The following COPB1 variants were observed in gnomAD, a reference collection of about 807,000 sequenced individuals.
COPB1 encodes the protein coatomer subunit beta.
A neutral mutation model predicts 108.7 loss-of-function variants in COPB1; 21 were observed. That is an observed-to-expected ratio of 0.19 (90% CI 0.14 to 0.28). COPB1 has a LOEUF of 0.28. COPB1 is among the 10% of genes least tolerant of loss of function. The pLI, the probability that COPB1 is intolerant of heterozygous loss-of-function variation, is 1.00. For synonymous variants in COPB1, 378 were observed against 386.8 expected, an observed-to-expected ratio of 0.98 and a Z score of 0.27; for missense variants, 919 against 1,141.3, an observed-to-expected ratio of 0.81 and a Z score of 2.81.
chr11:14,459,483 T>C (rs1850097775), intron 20 of COPB1, among the ~76,000 whole-genome samples: 1 of 152,196 alleles, frequency 6.6e-6, no homozygotes, highest in African/African-American at 2.4e-5. Context: ...CTCGTTTTTT[T>C]CATACATACA....
At chr11:14,475,628 G>T (rs1565016911) in intron 13 of COPB1, among the ~76,000 whole-genome samples, 157 bp downstream of exon 13, 1 of 152,224 alleles carries the variant, frequency 6.6e-6, no homozygotes, top group Non-Finnish European at 1.5e-5. Context: ...TTCCTAGGGG[G>T]AAGAACTTAA....
intron 14 of COPB1, among the ~76,000 whole-genome samples, chr11:14,472,020 T>C (rs1272659644): frequency 6.6e-6 from 1 of 152,192 alleles, no homozygotes; most frequent in Non-Finnish European, 1.5e-5. Flanking sequence ...ACCTGCTGTA[T>C]AGATAACCAA....
At chr11:14,465,079 A>ACG in intron 17 of COPB1, 49 bp from the exon 18 acceptor site, 1 of 1,450,702 alleles carries the variant, frequency 6.9e-7, no homozygotes, top group Non-Finnish European at 9.2e-7. Flanking sequence ...ACACACACAC[A>ACG]CACACACACA....
intron 16 of COPB1, among the ~76,000 whole-genome samples, 160 bp downstream of exon 16, chr11:14,468,521 T>C (rs1399182208): frequency 6.6e-6 from 1 of 152,204 alleles, no homozygotes; most frequent in Non-Finnish European, 1.5e-5. Flanking sequence ...TCACATATAG[T>C]AGTAAGGTAC....
intron 16 of COPB1, among the ~76,000 whole-genome samples, chr11:14,466,736 C>T (rs766955260): frequency 3.3e-5 from 5 of 152,050 alleles, no homozygotes; most frequent in African/African-American, 7.2e-5. Context: ...TTAGCAAATA[C>T]ATTAAACATT....
chr11:14,488,470 C>T, intron 6 of COPB1, 22 bp downstream of exon 6: 1 of 1,496,606 alleles, frequency 6.7e-7, no homozygotes, highest in Non-Finnish European at 9.2e-7. Flanking sequence ...TTATTTTACT[C>T]ATCATAGATT....
intron 13 of COPB1, 30 bp downstream of exon 13, chr11:14,475,755 A>C (rs1213587045): frequency 6.8e-7 from 1 of 1,480,054 alleles, no homozygotes; most frequent in African/African-American, 1.4e-5. Flanking sequence ...AAAGTAGTAC[A>C]GCTGGCAGGG....
chr11:14,470,662 T>C (rs1051622110), intron 14 of COPB1, among the ~76,000 whole-genome samples: 1 of 151,924 alleles, frequency 6.6e-6, no homozygotes, highest in Non-Finnish European at 1.5e-5. Context: ...AGTAAGTATA[T>C]GTCCCCCAAG....
intron 21 of COPB1, 76 bp from the exon 22 acceptor site, chr11:14,457,959 C>T: frequency 2.4e-6 from 2 of 834,368 alleles, no homozygotes; most frequent in South Asian, 2.0e-5. Flanking sequence ...TTATTAAGCC[C>T]CAATTCAATT....
chr11:14,481,148 GA>G (rs761396102), intron 8 of COPB1, 51 bp from the exon 9 acceptor site: 26 of 1,398,388 alleles, frequency 1.9e-5, no homozygotes, highest in South Asian at 2.4e-5. Flanking sequence ...CTGGTCACAG[GA>G]AAAAAATCTT....
intron 5 of COPB1, among the ~76,000 whole-genome samples, chr11:14,489,772 G>T (rs1250537164): frequency 1.3e-5 from 2 of 151,932 alleles, no homozygotes; most frequent in African/African-American, 4.8e-5. Flanking sequence ...AGTTTTGCAA[G>T]ACAAAAAAAG....
At chr11:14,486,655 T>C (rs1311437911) in intron 6 of COPB1, 151 bp from the exon 7 acceptor site, 5 of 922,504 alleles carry the variant, frequency 5.4e-6, no homozygotes, top group East Asian at 2.6e-5. Flanking sequence ...TCAGACAAAA[T>C]GGGATGAGAC....
chr11:14,460,116 G>A, intron 20 of COPB1, 92 bp downstream of exon 20: 1 of 766,132 alleles, frequency 1.3e-6, no homozygotes, highest in Non-Finnish European at 2.2e-6. Flanking sequence ...ACTGCATATT[G>A]AATAACAAAA....
Position 14,468,613 on chromosome 11 carries a change from T to C in COPB1, c.2145+68A>G, listed in dbSNP as rs373254527. 1.3e-3 allele frequency: 1,814 copies of C among 1,415,464 alleles called. 34 individuals are homozygous for C. In the South Asian group the frequency reaches 0.021, roughly 17 times the overall value. 87.7% of individuals were successfully genotyped at this position (1,415,464 alleles called of 1,614,324 possible). The stretch of plus-strand genomic sequence containing the variant: ...AAAATAGTTATCTTTCTTTTAAAAA[T>C]AGCAGCACTAACAACTTCCTTAAGG... On this transcript the variant is annotated intron_variant, in intron 16 of 21. Coordinates refer to ENST00000439561, the MANE Select transcript of COPB1 (RefSeq NM_001144061.2).
intron 5 of COPB1, 49 bp downstream of exon 5, chr11:14,490,512 TTCAA>T (rs1310844881): frequency 1.2e-5 from 13 of 1,041,690 alleles, no homozygotes; most frequent in African/African-American, 8.1e-5. Context: ...ATGTAATACT[TTCAA>T]TTGTCACTTA....
intron 7 of COPB1, 137 bp from the exon 8 acceptor site, chr11:14,483,288 T>C (rs1031418570): frequency 1.2e-5 from 6 of 496,200 alleles, no homozygotes; most frequent in Non-Finnish European, 2.1e-5. Context: ...CACTCATTAA[T>C]TAATCCCTGT....
At position 14,483,777 on chromosome 11, in the gene COPB1, T is replaced by C. The variant is rs575585783; in HGVS notation, c.838-626A>G. On this transcript the variant is annotated intron_variant, in intron 7 of 21. Transcript: ENST00000439561. ...CATAAGAATTCCAATAAATAAATAC[T>C]GAATGAGAGAAATAGAAAACCACCA... is the stretch of plus-strand genomic sequence containing the variant. 1.4e-4 allele frequency among the ~76,000 whole-genome samples: 22 copies of C among 152,212 alleles called. No homozygotes were observed. In the South Asian group the frequency reaches 4.4e-3, roughly 30 times the overall value.
intron 14 of COPB1, 27 bp downstream of exon 14, chr11:14,474,468 G>C: frequency 6.2e-7 from 1 of 1,604,274 alleles, no homozygotes; most frequent in Non-Finnish European, 8.5e-7. Context: ...TTTAATTGTT[G>C]GTTAAATGTA....
intron 7 of COPB1, among the ~76,000 whole-genome samples, chr11:14,483,372 C>T (rs1850705087): frequency 6.6e-6 from 1 of 151,680 alleles, no homozygotes; most frequent in South Asian, 2.1e-4. Flanking sequence ...TTCAAACTTA[C>T]AGAAGATTAG....
Sources: gnomAD v4.1 joint callset for allele counts (sites outside exome capture counted in the v4.1 genomes callset) on GRCh38, gnomAD v4.1.1 for gene constraint, MANE v1.5 for transcripts, NCBI Gene and HGNC (gene_info 2026-07-23, HGNC 2026-07-21) for gene names.